The following PPP3R1 variants were observed in gnomAD, a reference collection of about 807,000 sequenced individuals.
The protein encoded by PPP3R1 is protein phosphatase 3 regulatory subunit B, alpha, also known as calcineurin subunit B type 1.
In PPP3R1, 5 loss-of-function variants were observed where a neutral mutation model predicts 22.6. That is an observed-to-expected ratio of 0.22 (90% CI 0.12 to 0.46). The LOEUF (loss-of-function observed/expected upper bound fraction) is 0.46. PPP3R1 is among the 20% of genes least tolerant of loss of function. The pLI, the probability that PPP3R1 is intolerant of heterozygous loss-of-function variation, is 0.99. For missense variants in PPP3R1, 61 were observed against 203.2 expected, an observed-to-expected ratio of 0.30 and a Z score of 4.25; for synonymous variants, 56 against 65.2, an observed-to-expected ratio of 0.86 and a Z score of 0.68.
At chr2:68,217,175 AT>A in intron 1 of PPP3R1, 44 bp from the exon 2 acceptor site, 1 of 1,429,164 alleles carries the variant, frequency 7.0e-7, no homozygotes, top group Non-Finnish European at 9.7e-7. Context: ...ATAGGCACAA[AT>A]TTGTTTAAAA....
chr2:68,205,181 A>AC (rs2103751993), intron 2 of PPP3R1, among the ~76,000 whole-genome samples: 1 of 147,352 alleles, frequency 6.8e-6, no homozygotes, highest in African/African-American at 2.5e-5. Context: ...TCTATATCCC[A>AC]CCCCAGTTAT....
intron 4 of PPP3R1, 33 bp downstream of exon 4, chr2:68,187,222 A>T: frequency 6.6e-7 from 1 of 1,510,880 alleles, no homozygotes; most frequent in Non-Finnish European, 9.1e-7. Context: ...ATGGTAGTAT[A>T]AGAGAATGAA....
chr2:68,215,324 C>G (rs534354332), intron 2 of PPP3R1, among the ~76,000 whole-genome samples: 1 of 151,378 alleles, frequency 6.6e-6, no homozygotes, highest in Non-Finnish European at 1.5e-5. Context: ...TATTCCAAAA[C>G]CCCCCCCAAA....
chr2:68,209,069 T>G (rs1409865723), intron 2 of PPP3R1, among the ~76,000 whole-genome samples: 1 of 151,100 alleles, frequency 6.6e-6, no homozygotes, highest in Non-Finnish European at 1.5e-5. Context: ...TAAAAAACTG[T>G]GGAAGTTGGC....
chr2:68,221,521 G>A (rs1669689203), intron 1 of PPP3R1, among the ~76,000 whole-genome samples: 1 of 152,140 alleles, frequency 6.6e-6, no homozygotes, highest in Non-Finnish European at 1.5e-5. Context: ...AAATGTCACT[G>A]AACTGTTCAC....
chr2:68,234,547 G>C (rs981810413), intron 1 of PPP3R1, among the ~76,000 whole-genome samples: 6 of 152,104 alleles, frequency 3.9e-5, no homozygotes, highest in Non-Finnish European at 7.4e-5. Context: ...AATTCAAGTG[G>C]CTTGTTACTG....
At chr2:68,198,958 C>G (rs528460464) in intron 2 of PPP3R1, among the ~76,000 whole-genome samples, 1 of 151,864 alleles carries the variant, frequency 6.6e-6, no homozygotes, top group Non-Finnish European at 1.5e-5. Context: ...TCCATTTCAT[C>G]TTTATTTGTA....
intron 1 of PPP3R1, among the ~76,000 whole-genome samples, chr2:68,248,598 T>TG (rs1377839121): frequency 1.3e-5 from 2 of 152,308 alleles, no homozygotes; most frequent in East Asian, 3.9e-4. Context: ...TGTTCCAGGG[T>TG]GGGGCCTGAC....
chr2:68,214,979 C>A (rs545015324), intron 2 of PPP3R1, among the ~76,000 whole-genome samples: 1 of 152,286 alleles, frequency 6.6e-6, no homozygotes, highest in South Asian at 2.1e-4. Flanking sequence ...ATCGTGTCTT[C>A]TGCAGCAACA....
At chr2:68,186,098 T>G (rs1332270411) in intron 5 of PPP3R1, among the ~76,000 whole-genome samples, 3 of 152,230 alleles carry the variant, frequency 2.0e-5, no homozygotes, top group Non-Finnish European at 4.4e-5. Context: ...CTCTAGTATC[T>G]CTAGCTTGCA....
chr2:68,252,086 AG>A, intron 1 of PPP3R1, 38 bp downstream of exon 1: 1 of 1,394,438 alleles, frequency 7.2e-7, no homozygotes, highest in Non-Finnish European at 9.5e-7. Flanking sequence ...CGGCGGCAGT[AG>A]GGGGAGGGAT....
At chr2:68,194,768 A>T (rs1263190759) in intron 2 of PPP3R1, among the ~76,000 whole-genome samples, 2 of 152,148 alleles carry the variant, frequency 1.3e-5, no homozygotes, top group Non-Finnish European at 2.9e-5. Flanking sequence ...AATAAACAGA[A>T]TGGTAGAAAA....
At chr2:68,182,840 G>C (rs1674443486) in intron 5 of PPP3R1, among the ~76,000 whole-genome samples, 1 of 151,726 alleles carries the variant, frequency 6.6e-6, no homozygotes, top group Non-Finnish European at 1.5e-5. Context: ...TTGGTACACA[G>C]TTAATTCCTT....
chr2:68,203,884 C>A (rs181715920), intron 2 of PPP3R1, among the ~76,000 whole-genome samples: 8 of 152,254 alleles, frequency 5.3e-5, no homozygotes, highest in African/African-American at 1.9e-4. Context: ...AGGAGAGGTT[C>A]CTTCAGAGTC....
At chr2:68,208,273 G>A (rs1669377975) in intron 2 of PPP3R1, among the ~76,000 whole-genome samples, 1 of 152,228 alleles carries the variant, frequency 6.6e-6, no homozygotes, top group Non-Finnish European at 1.5e-5. Flanking sequence ...TAACTGTGCA[G>A]TAATGACTCA....
At chr2:68,227,617 T>C (rs1669813572) in intron 1 of PPP3R1, among the ~76,000 whole-genome samples, 1 of 151,938 alleles carries the variant, frequency 6.6e-6, no homozygotes, top group African/African-American at 2.4e-5. Context: ...GTCTGATAAA[T>C]GCTGCCATAA....
At chr2:68,216,870 G>T (rs1669588663) in intron 2 of PPP3R1, among the ~76,000 whole-genome samples, 1 of 151,504 alleles carries the variant, frequency 6.6e-6, no homozygotes, top group African/African-American at 2.4e-5. Flanking sequence ...GTGTAGATAT[G>T]AGTAATAAAG....
chr2:68,190,932 T>C (rs1214934405), intron 2 of PPP3R1, among the ~76,000 whole-genome samples: 1 of 152,216 alleles, frequency 6.6e-6, no homozygotes, highest in Non-Finnish European at 1.5e-5. Context: ...ATTTGTACAG[T>C]TAATTTGTAC....
intron 1 of PPP3R1, among the ~76,000 whole-genome samples, chr2:68,246,235 C>T (rs957698968): frequency 2.6e-5 from 4 of 151,662 alleles, no homozygotes; most frequent in African/African-American, 2.4e-5. Context: ...TCACCAAACC[C>T]GGCTAATTTT....
Sources: allele counts gnomAD v4.1 joint callset (sites outside exome capture counted in the v4.1 genomes callset), GRCh38; gene constraint gnomAD v4.1.1; transcripts MANE v1.5; gene names NCBI Gene and HGNC (gene_info 2026-07-23, HGNC 2026-07-21).